ZNF710: variants seen among roughly 807,000 people sequenced by gnomAD.
ZNF710 encodes the protein zinc finger protein 710.
In ZNF710, 13 loss-of-function variants were observed where a neutral mutation model predicts 50.6. That is an observed-to-expected ratio of 0.26 (90% CI 0.17 to 0.41). The LOEUF (loss-of-function observed/expected upper bound fraction) is 0.41. Ranked by LOEUF, ZNF710 falls within the 10% of genes least tolerant of loss-of-function variation. The pLI is 1.00. For missense variants in ZNF710, 721 were observed against 936.6 expected, an observed-to-expected ratio of 0.77 and a Z score of 3.01; for synonymous variants, 383 against 397.0, an observed-to-expected ratio of 0.96 and a Z score of 0.42.
intron 4 of ZNF710, chr15:90,076,185 T>C (rs1221095703): frequency 3.3e-5 from 5 of 152,230 alleles, no homozygotes; most frequent in Non-Finnish European, 7.3e-5. Flanking sequence ...CAGCTGCATG[T>C]TGGGAGTCAC....
At position 90,040,871 on chromosome 15, in the gene ZNF710, C is replaced by A. The variant is rs369359314; in HGVS notation, c.-28-26239C>A. ...GCCTCCATATTGTTGCAAGTGAGGACTTATCTCTCCACCACCCTATCATTC... is the reference window on the plus strand; with the variant it reads ...GCCTCCATATTGTTGCAAGTGAGGAATTATCTCTCCACCACCCTATCATTC... On this transcript the variant is annotated intron_variant, in intron 1 of 4. Coordinates refer to ENST00000268154, the MANE Select transcript of ZNF710 (RefSeq NM_198526.4). The surrounding 1 kb of genome is among the most constrained non-coding windows in gnomAD (Gnocchi z 4.6). 6.6e-6 allele frequency among the ~76,000 whole-genome samples: 1 copy of A among 152,318 alleles called. No homozygotes were observed. Among genetic ancestry groups the A allele is most frequent in the East Asian group, 1.9e-4 (1 of 5,182 alleles).
chr15:90,013,475 G>T (rs995397287), intron 1 of ZNF710, among the ~76,000 whole-genome samples: 5 of 152,168 alleles, frequency 3.3e-5, no homozygotes, highest in Admixed American at 3.3e-4. Flanking sequence ...TGAGGTATAG[G>T]ATGAGAGTCC....
chr15:90,014,817 C>T (rs1283186729), intron 1 of ZNF710, among the ~76,000 whole-genome samples: 1 of 151,800 alleles, frequency 6.6e-6, no homozygotes, highest in Non-Finnish European at 1.5e-5. Flanking sequence ...CAACATATAT[C>T]ATGGAGCTCA....
At chr15:90,064,038 A>G (rs963802519) in intron 1 of ZNF710, among the ~76,000 whole-genome samples, 1 of 152,226 alleles carries the variant, frequency 6.6e-6, no homozygotes, top group Non-Finnish European at 1.5e-5. Flanking sequence ...TGGCTTGGCC[A>G]TTGATGCTCA....
chr15:90,009,142 A>C (rs1035890260), intron 1 of ZNF710, among the ~76,000 whole-genome samples: 14 of 148,934 alleles, frequency 9.4e-5, no homozygotes, highest in African/African-American at 3.5e-4. Context: ...GCCATCCCGG[A>C]CCCCATCCCG....
chr15:90,002,189 C>A (rs2151452780), intron 1 of ZNF710, among the ~76,000 whole-genome samples: 1 of 151,594 alleles, frequency 6.6e-6, no homozygotes, highest in African/African-American at 2.4e-5. Context: ...AAACTTTATT[C>A]TCGGAGCGGG....
chr15:90,007,867 T>G (rs1898178985), intron 1 of ZNF710, among the ~76,000 whole-genome samples: 1 of 151,824 alleles, frequency 6.6e-6, no homozygotes, highest in Non-Finnish European at 1.5e-5. Flanking sequence ...ATAGAAAGCA[T>G]TTTCCCAAGG....
intron 1 of ZNF710, among the ~76,000 whole-genome samples, chr15:90,019,471 AG>A (rs2151472943): frequency 6.6e-6 from 1 of 152,322 alleles, no homozygotes; most frequent in Admixed American, 6.5e-5. Context: ...CACATTCTAA[AG>A]GCTGTTCGTC....
Position 90,067,470 on chromosome 15 carries a change from C to T in ZNF710, c.333C>T (p.Phe111=), listed in dbSNP as rs762023641. The part of the protein sequence containing the change: ...PPVRLVPKVK[F]EKVEEEEQEV... ...TGCGGTTGGTGCCCAAGGTCAAGTT[C>T]GAGAAGGTGGAGGAGGAGGAACAGG... is the stretch of plus-strand genomic sequence containing the variant. Residue 111 remains phenylalanine (F), a synonymous_variant, in exon 2 of 5, where the codon TTC becomes TTT. Coordinates refer to ENST00000268154, the MANE Select transcript of ZNF710 (RefSeq NM_198526.4). This position sits in a 1 kb window ranked among gnomAD's most constrained non-coding sequence, Gnocchi z 8.1. 2.7e-5 allele frequency: 43 copies of T among 1,612,474 alleles called. No homozygotes were observed. The highest frequency in any genetic ancestry group is 3.6e-5 in the Non-Finnish European group (42 of 1,179,316).
chr15:90,007,066 A>G (rs1475413261), intron 1 of ZNF710, among the ~76,000 whole-genome samples: 1 of 152,132 alleles, frequency 6.6e-6, no homozygotes, highest in Non-Finnish European at 1.5e-5. Context: ...GACTTCTGTA[A>G]GCACTGAAGA....
In ZNF710 at chr15:90,074,011, A is replaced by AAC. The variant is rs1555460022; in HGVS notation, c.1651-103_1651-102dup. 6.9e-5 allele frequency: 87 copies of AAC among 1,266,350 alleles called. No individual in the cohort carries two copies. The African/African-American group carries it at 1.3e-3, about 19-fold the overall frequency. The allele number at this position is 1,266,350 out of a possible 1,614,324, so 78.4% of individuals were successfully genotyped here. On this transcript the variant is annotated intron_variant, in intron 3 of 4. Transcript: ENST00000268154. ...TCTCAAAAAAAAAACAAAAAAAAAA[A>AAC]ACAAAAGAATAGGATTCTGGCCCAG...
At chr15:90,007,457 G>A (rs1255439338) in intron 1 of ZNF710, among the ~76,000 whole-genome samples, 1 of 152,048 alleles carries the variant, frequency 6.6e-6, no homozygotes, top group African/African-American at 2.4e-5. Context: ...CTGTGCAGAA[G>A]GTTACATGTG....
chr15:90,018,675 C>T (rs1032994830), intron 1 of ZNF710, among the ~76,000 whole-genome samples: 1 of 152,320 alleles, frequency 6.6e-6, no homozygotes, highest in African/African-American at 2.4e-5. Context: ...CCTCCCCACT[C>T]AGCTACAGTG....
At chr15:90,038,223 T>C (rs1378142889) in intron 1 of ZNF710, among the ~76,000 whole-genome samples, 1 of 152,232 alleles carries the variant, frequency 6.6e-6, no homozygotes, top group Non-Finnish European at 1.5e-5. Context: ...ACTTTCATCA[T>C]GGAGCAGGTT....
chr15:90,015,898 C>A (rs901444220), intron 1 of ZNF710, among the ~76,000 whole-genome samples: 5 of 152,148 alleles, frequency 3.3e-5, no homozygotes, highest in African/African-American at 4.8e-5. Flanking sequence ...CGTGAGTCAC[C>A]GCGCCCAATG....
chr15:90,006,023 G>A (rs778846395), intron 1 of ZNF710, among the ~76,000 whole-genome samples: 6 of 152,110 alleles, frequency 3.9e-5, no homozygotes, highest in Non-Finnish European at 8.8e-5. Flanking sequence ...AGAGTTGGGC[G>A]TTCAGCACTT....
intron 4 of ZNF710, among the ~76,000 whole-genome samples, chr15:90,078,037 G>A (rs534804945): frequency 2.6e-5 from 4 of 152,030 alleles, no homozygotes; most frequent in Non-Finnish European, 4.4e-5. Context: ...GAGAAACCCC[G>A]TCTCTACTAA....
At position 90,073,094 on chromosome 15, in the gene ZNF710, G is replaced by C; in HGVS notation, c.1482G>C (p.Glu494Asp). Reference protein sequence around the residue: ...THKGVKEFKCEVCGREFTLQA... With the variant: ...THKGVKEFKCDVCGREFTLQA... ...AGGGCGTGAAGGAGTTCAAGTGCGA[G>C]GTGTGTGGCCGGGAGTTCACCCTAC... Residue 494 changes from glutamate to aspartate, a missense_variant, in exon 3 of 5, where the codon GAG becomes GAC. By Grantham distance (45) the Glu-to-Asp change is conservative (BLOSUM62 2). Transcript: ENST00000268154. 6.2e-7 allele frequency: 1 copy of C among 1,614,026 alleles called. No homozygotes were observed. The highest frequency in any genetic ancestry group is 8.5e-7 in the Non-Finnish European group (1 of 1,179,974).
chr15:90,081,314 G>A lies in ZNF710; in HGVS notation c.*1485G>A, dbSNP rs1198471651. On this transcript the variant is annotated 3_prime_UTR_variant, in exon 5 of 5. Coordinates refer to ENST00000268154, the MANE Select transcript of ZNF710 (RefSeq NM_198526.4). ...GAAATAGCACATTCAGGAACTCTAG[G>A]GCACCCGGACCCCCCCACCCACTTG... 1.3e-5 allele frequency: 2 copies of A among 152,208 alleles called. No individual in the cohort carries two copies. The highest frequency in any genetic ancestry group is 2.4e-5 in the African/African-American group (1 of 41,318). The allele number at this position is 152,208 out of a possible 1,614,324, so 9.4% of individuals were successfully genotyped here.
Sources: gnomAD v4.1 joint callset for allele counts (sites outside exome capture counted in the v4.1 genomes callset) on GRCh38, gnomAD v4.1.1 for gene constraint, Gnocchi (gnomAD v3.1) non-coding constraint, MANE v1.5 for transcripts, NCBI Gene and HGNC (gene_info 2026-07-23, HGNC 2026-07-21) for gene names.